Variants in SLIT2 observed in about 807,000 individuals in gnomAD.
The protein encoded by SLIT2 is slit guidance ligand 2.
SLIT2 carries 41 observed loss-of-function variants against 185.7 expected under a neutral mutation model. The observed-to-expected ratio is 0.22, with a 90% confidence interval of 0.17 to 0.29. SLIT2 has a LOEUF of 0.29. Ranked by LOEUF, SLIT2 falls within the 10% of genes least tolerant of loss-of-function variation. SLIT2 has a pLI of 1.00. For missense variants in SLIT2, 1,571 were observed against 1,909.0 expected, an observed-to-expected ratio of 0.82 and a Z score of 3.30; for synonymous variants, 693 against 680.2, an observed-to-expected ratio of 1.02 and a Z score of -0.29.
intron 3 of SLIT2, among the ~76,000 whole-genome samples, chr4:20,259,007 A>C (rs1488696821): frequency 1.3e-5 from 2 of 151,756 alleles, no homozygotes; most frequent in Admixed American, 6.6e-5. Context: ...ATAAATATAT[A>C]GACTATATTT....
At chr4:20,527,689 A>T (rs1204497119) in intron 15 of SLIT2, among the ~76,000 whole-genome samples, 2 of 152,210 alleles carry the variant, frequency 1.3e-5, no homozygotes, top group Admixed American at 1.3e-4. Context: ...TATTATTTAT[A>T]AAATTTTACA....
At chr4:20,323,080 A>G (rs1345513190) in intron 4 of SLIT2, among the ~76,000 whole-genome samples, 2 of 152,216 alleles carry the variant, frequency 1.3e-5, no homozygotes, top group Admixed American at 1.3e-4. Context: ...AAAACCGGTC[A>G]TGTTTAAAAG....
chr4:20,491,813 C>T lies in SLIT2; in HGVS notation c.828C>T (p.Ala276=). 6.2e-7 allele frequency: 1 copy of T among 1,613,998 alleles called. No homozygotes were observed. Among genetic ancestry groups the T allele is most frequent in the Non-Finnish European group, 8.5e-7 (1 of 1,179,916 alleles). ...PSCSVLHCPA[A]CTCSNNIVDC... ...GTAGTGTTTTGCACTGCCCTGCCGC[C>T]TGTACCTGTAGCAACAATATCGTAG... Residue 276 remains alanine (A), a synonymous_variant, in exon 9 of 37, where the codon GCC becomes GCT. Coordinates refer to ENST00000504154, the MANE Select transcript of SLIT2 (RefSeq NM_004787.4).
intron 19 of SLIT2, 138 bp downstream of exon 19, chr4:20,539,722 C>A (rs1311045078): frequency 2.0e-6 from 1 of 497,778 alleles, no homozygotes; most frequent in East Asian, 3.5e-5. Context: ...TTGTTCACAT[C>A]AAATTTATTT....
chr4:20,324,622 C>T (rs997880905), intron 4 of SLIT2, among the ~76,000 whole-genome samples: 33 of 152,034 alleles, frequency 2.2e-4, no homozygotes, highest in African/African-American at 7.0e-4. Flanking sequence ...AATGCAAAGA[C>T]GGTGGATATT....
rs113863944 is a variant in SLIT2, at chr4:20,352,744, C to T, written c.395+83863C>T. On this transcript the variant is annotated intron_variant, in intron 4 of 36. Transcript: ENST00000504154. ...CTGGCTCAACATGGTGAAATCCCATCTCTACTGAAAATACAAAAATTAGCT... is the reference window on the plus strand; with the variant it reads ...CTGGCTCAACATGGTGAAATCCCATTTCTACTGAAAATACAAAAATTAGCT... 4.6e-5 allele frequency among the ~76,000 whole-genome samples: 7 copies of T among 152,198 alleles called. 1 individual carries two copies. The South Asian group carries it at 1.0e-3, about 23-fold the overall frequency.
chr4:20,350,238 T>A (rs1220893429), intron 4 of SLIT2, among the ~76,000 whole-genome samples: 2 of 152,278 alleles, frequency 1.3e-5, no homozygotes, highest in East Asian at 3.9e-4. Flanking sequence ...TGATTTTTTT[T>A]ATTAAATAAG....
intron 4 of SLIT2, among the ~76,000 whole-genome samples, chr4:20,403,735 G>A (rs1187729472): frequency 3.3e-5 from 5 of 151,882 alleles, no homozygotes; most frequent in African/African-American, 1.2e-4. Flanking sequence ...AGCTCCGTTA[G>A]CAAAACATTT....
chr4:20,376,238 C>T (rs1238959985), intron 4 of SLIT2, among the ~76,000 whole-genome samples: 1 of 149,642 alleles, frequency 6.7e-6, no homozygotes, highest in African/African-American at 2.5e-5. Flanking sequence ...CAACATGGAC[C>T]TCTGGGAACT....
intron 4 of SLIT2, among the ~76,000 whole-genome samples, chr4:20,269,235 C>T (rs1713349295): frequency 6.6e-6 from 1 of 151,726 alleles, no homozygotes; most frequent in Non-Finnish European, 1.5e-5. Flanking sequence ...GCAGTGTGTT[C>T]TTATAAAGTT....
intron 4 of SLIT2, among the ~76,000 whole-genome samples, chr4:20,463,515 A>ATGTGTGTGTGTGTG (rs375793654): frequency 2.7e-5 from 3 of 112,342 alleles, no homozygotes; most frequent in East Asian, 2.3e-4. Context: ...ATATCCATAT[A>ATGTGTGTGTGTGTG]TGTGTGTGTG....
Position 20,598,327 on chromosome 4 carries a change from A to G in SLIT2, c.3624A>G (p.Val1208=), listed in dbSNP as rs1253310641. Residue 1208 remains valine, a synonymous_variant, in exon 33 of 37, where the codon GTA becomes GTG. Coordinates refer to ENST00000504154, the MANE Select transcript of SLIT2 (RefSeq NM_004787.4). ...LYKGDKDHIA[V]ELYRGRVRAS... ...AGGGTGACAAAGACCATATCGCGGT[A>G]GAACTCTATCGGGGGCGTGTTCGTG... is the stretch of plus-strand genomic sequence containing the variant. 1.1e-5 allele frequency: 17 copies of G among 1,614,026 alleles called. No homozygotes were observed. Among genetic ancestry groups the G allele is most frequent in the Non-Finnish European group, 1.3e-5 (15 of 1,180,012 alleles).
At chr4:20,297,733 A>G (rs1716626913) in intron 4 of SLIT2, among the ~76,000 whole-genome samples, 1 of 152,188 alleles carries the variant, frequency 6.6e-6, no homozygotes, top group Non-Finnish European at 1.5e-5. Flanking sequence ...TGTGTAAATC[A>G]TGGCATTTTC....
At chr4:20,387,537 C>G (rs1725028940) in intron 4 of SLIT2, among the ~76,000 whole-genome samples, 1 of 152,102 alleles carries the variant, frequency 6.6e-6, no homozygotes, top group South Asian at 2.1e-4. Context: ...CATGAAGCCT[C>G]TGGAAAACTC....
intron 6 of SLIT2, among the ~76,000 whole-genome samples, chr4:20,482,164 G>A (rs1296932693): frequency 6.6e-6 from 1 of 151,880 alleles, no homozygotes; most frequent in Non-Finnish European, 1.5e-5. Context: ...TCATAGATGA[G>A]GAGACTACCA....
Position 20,385,652 on chromosome 4 carries a change from T to G in SLIT2, c.396-82100T>G, listed in dbSNP as rs184273766. 1.6e-3 allele frequency among the ~76,000 whole-genome samples: 237 copies of G among 152,274 alleles called. 1 individual carries two copies. Among genetic ancestry groups the G allele is most frequent in the South Asian group, 0.015 (70 of 4,824 alleles). ...CAGGATTTTAAGAAGTTTTAGGTGA[T>G]AAAGGGTTGCTGTTTGCAAACCCAA... On this transcript the variant is annotated intron_variant, in intron 4 of 36. Transcript: ENST00000504154.
At chr4:20,597,641 T>A (rs1016983287) in intron 32 of SLIT2, among the ~76,000 whole-genome samples, 1 of 152,228 alleles carries the variant, frequency 6.6e-6, no homozygotes, top group Non-Finnish European at 1.5e-5. Flanking sequence ...CACCCCTTTT[T>A]TGGTTTACCC....
chr4:20,260,932 T>A (rs1184002060), intron 3 of SLIT2, among the ~76,000 whole-genome samples: 1 of 130,312 alleles, frequency 7.7e-6, no homozygotes, highest in Non-Finnish European at 1.5e-5. Context: ...CTTACCTCTC[T>A]AACTAGCTCC....
intron 4 of SLIT2, among the ~76,000 whole-genome samples, chr4:20,371,791 T>C (rs1239116554): frequency 6.6e-6 from 1 of 152,146 alleles, no homozygotes; most frequent in Non-Finnish European, 1.5e-5. Context: ...GCTAGTGGCC[T>C]GTTTTCCATA....
Sources: gnomAD v4.1 joint callset for allele counts (sites outside exome capture counted in the v4.1 genomes callset) on GRCh38, gnomAD v4.1.1 for gene constraint, MANE v1.5 for transcripts, NCBI Gene and HGNC (gene_info 2026-07-23, HGNC 2026-07-21) for gene names.